The following CTNNA2 variants were observed in gnomAD, a reference collection of about 807,000 sequenced individuals.
CTNNA2 encodes the protein catenin alpha 2.
Under a neutral mutation model 101.0 loss-of-function variants are expected in CTNNA2, and 42 were observed. That is an observed-to-expected ratio of 0.42 (90% CI 0.32 to 0.54). The LOEUF (loss-of-function observed/expected upper bound fraction) is 0.54. CTNNA2 is among the 20% of genes least tolerant of loss of function. The probability of loss-of-function intolerance (pLI) is 0.14; values close to 1 mark genes in which losing one functional copy is unlikely to be tolerated. For missense variants in CTNNA2, 871 were observed against 1,223.1 expected, an observed-to-expected ratio of 0.71 and a Z score of 4.29; for synonymous variants, 450 against 456.4, an observed-to-expected ratio of 0.99 and a Z score of 0.18.
intron 7 of CTNNA2, among the ~76,000 whole-genome samples, chr2:80,106,613 A>T (rs956060046): frequency 2.0e-5 from 3 of 152,154 alleles, no homozygotes; most frequent in African/African-American, 7.2e-5. Context: ...TCTCTGTAAG[A>T]GGTGGCCCCC....
intron 7 of CTNNA2, among the ~76,000 whole-genome samples, chr2:80,044,297 T>C (rs1399983804): frequency 6.6e-6 from 1 of 152,162 alleles, no homozygotes; most frequent in African/African-American, 2.4e-5. Flanking sequence ...TTTTGTTACT[T>C]GAACTATAGG....
intron 3 of CTNNA2, among the ~76,000 whole-genome samples, chr2:79,323,126 G>A (rs571733554): frequency 6.6e-6 from 1 of 152,256 alleles, no homozygotes; most frequent in South Asian, 2.1e-4. Flanking sequence ...GCTCTTCCAT[G>A]TTTCATGTTC....
intron 4 of CTNNA2, among the ~76,000 whole-genome samples, chr2:79,393,842 C>A (rs1221417363): frequency 6.6e-6 from 1 of 152,114 alleles, no homozygotes; most frequent in Non-Finnish European, 1.5e-5. Context: ...CCTGCAGGAT[C>A]GGCTTCAATT....
At chr2:80,212,068 G>T (rs900609571) in intron 7 of CTNNA2, among the ~76,000 whole-genome samples, 2 of 152,114 alleles carry the variant, frequency 1.3e-5, no homozygotes, top group Non-Finnish European at 2.9e-5. Flanking sequence ...CATTTATTTT[G>T]TTTCCTGAGA....
Position 80,297,333 on chromosome 2 carries a change from G to A in CTNNA2, c.1057-95878G>A, listed in dbSNP as rs751928801. ...CACATCCCAGTGCTTCCAATCACTA[G>A]CTGGGTGACTTTGCACAATGTACCT... is the stretch of plus-strand genomic sequence containing the variant. On this transcript the variant is annotated intron_variant, in intron 7 of 18. Transcript: ENST00000402739. Among the ~76,000 whole-genome samples, 59 of 152,170 alleles carry A rather than the reference G, an allele frequency of 3.9e-4. 1 individual carries two copies. The highest frequency in any genetic ancestry group is 7.3e-5 in the Non-Finnish European group (5 of 68,040).
intron 3 of CTNNA2, among the ~76,000 whole-genome samples, chr2:79,831,116 TA>T (rs933690146): frequency 6.6e-6 from 1 of 152,118 alleles, no homozygotes; most frequent in Non-Finnish European, 1.5e-5. Flanking sequence ...TCGGCCAAAT[TA>T]CTATAGTTTG....
At chr2:79,694,371 A>G (rs1228522706) in intron 2 of CTNNA2, among the ~76,000 whole-genome samples, 1 of 152,000 alleles carries the variant, frequency 6.6e-6, no homozygotes, top group African/African-American at 2.4e-5. Flanking sequence ...CATCATCGTG[A>G]TTGCAATAAT....
intron 7 of CTNNA2, among the ~76,000 whole-genome samples, chr2:80,042,434 G>A (rs1026240237): frequency 6.6e-6 from 1 of 152,146 alleles, no homozygotes; most frequent in African/African-American, 2.4e-5. Context: ...TATTGACAAA[G>A]GAAATTAACT....
chr2:79,583,495 T>C (rs1676276149), intron 1 of CTNNA2, among the ~76,000 whole-genome samples: 1 of 152,072 alleles, frequency 6.6e-6, no homozygotes, highest in African/African-American at 2.4e-5. Context: ...ATATATGTTT[T>C]TGTGTGGATG....
chr2:79,204,495 A>C (rs1323845199), intron 2 of CTNNA2, among the ~76,000 whole-genome samples: 1 of 152,138 alleles, frequency 6.6e-6, no homozygotes. Flanking sequence ...TGGATATAAG[A>C]CTCTGTAAAA....
intron 2 of CTNNA2, among the ~76,000 whole-genome samples, chr2:79,264,413 C>A (rs539788584): frequency 1.0e-5 from 1 of 98,348 alleles, no homozygotes; most frequent in East Asian, 2.8e-4. Flanking sequence ...TAGGACATGG[C>A]TAATTTTTTT....
At chr2:80,216,060 C>T (rs780568903) in intron 7 of CTNNA2, among the ~76,000 whole-genome samples, 2 of 152,192 alleles carry the variant, frequency 1.3e-5, no homozygotes, top group Non-Finnish European at 2.9e-5. Context: ...ACCCTCCGAG[C>T]CAGGCATGGG....
At chr2:80,480,765 T>G (rs1559144108) in intron 9 of CTNNA2, among the ~76,000 whole-genome samples, 1 of 152,102 alleles carries the variant, frequency 6.6e-6, no homozygotes, top group Non-Finnish European at 1.5e-5. Context: ...GCCATTCACT[T>G]ATCACCTCTA....
At chr2:80,562,459 A>G (rs1034107102) in intron 12 of CTNNA2, among the ~76,000 whole-genome samples, 34 of 152,206 alleles carry the variant, frequency 2.2e-4, no homozygotes, top group African/African-American at 7.0e-4. Context: ...CAAAAGTTCT[A>G]TAATATATAT....
At chr2:79,742,313 CT>C (rs1384423920) in intron 2 of CTNNA2, among the ~76,000 whole-genome samples, 1 of 151,964 alleles carries the variant, frequency 6.6e-6, no homozygotes, top group Non-Finnish European at 1.5e-5. Flanking sequence ...AAATTAATAG[CT>C]CCTCTCCACC....
At chr2:80,223,910 C>G (rs887867565) in intron 7 of CTNNA2, among the ~76,000 whole-genome samples, 1 of 152,210 alleles carries the variant, frequency 6.6e-6, no homozygotes, top group Non-Finnish European at 1.5e-5. Flanking sequence ...TTAGATACCA[C>G]ACTTGAGTAT....
chr2:79,945,196 CCA>C (rs1435411269), intron 7 of CTNNA2, among the ~76,000 whole-genome samples: 3 of 152,062 alleles, frequency 2.0e-5, no homozygotes, highest in African/African-American at 7.2e-5. Flanking sequence ...GCATGCACCA[CCA>C]CACCTGGATA....
chr2:79,638,118 A>C (rs984448905), intron 1 of CTNNA2, among the ~76,000 whole-genome samples: 2 of 152,210 alleles, frequency 1.3e-5, no homozygotes, highest in Non-Finnish European at 2.9e-5. Context: ...AATTATAATA[A>C]ACTTCGGCCA....
chr2:80,141,590 A>G (rs1703014000), intron 7 of CTNNA2, among the ~76,000 whole-genome samples: 1 of 152,126 alleles, frequency 6.6e-6, no homozygotes, highest in African/African-American at 2.4e-5. Context: ...GGTTTGGGGC[A>G]GACAACATAA....
Sources: gnomAD v4.1 joint callset for allele counts (sites outside exome capture counted in the v4.1 genomes callset) on GRCh38, gnomAD v4.1.1 for gene constraint, MANE v1.5 for transcripts, NCBI Gene and HGNC (gene_info 2026-07-23, HGNC 2026-07-21) for gene names.